The following PALS2 variants were observed in gnomAD, a reference collection of about 807,000 sequenced individuals.
PALS2 encodes protein PALS2.
PALS2 carries 27 observed loss-of-function variants against 61.6 expected under a neutral mutation model. The ratio of observed to expected loss-of-function variants is 0.44; its 90% confidence interval spans 0.32 to 0.60. PALS2 has a LOEUF of 0.60. PALS2 is among the 20% of genes least tolerant of loss of function. PALS2 has a pLI of 0.05. For missense variants in PALS2, 554 were observed against 639.4 expected (o/e 0.87, Z 1.44); for synonymous variants, 236 against 218.6 (o/e 1.08, Z -0.70).
At chr7:24,590,542 T>C (rs560831775) in intron 1 of PALS2, among the ~76,000 whole-genome samples, 5 of 152,208 alleles carry the variant, frequency 3.3e-5, no homozygotes, top group African/African-American at 1.2e-4. Flanking sequence ...TCAGGTGATA[T>C]TTTTTTCTGC....
At chr7:24,669,751 C>T (rs1390502501) in intron 9 of PALS2, among the ~76,000 whole-genome samples, 1 of 152,110 alleles carries the variant, frequency 6.6e-6, no homozygotes, top group South Asian at 2.1e-4. Context: ...TGTCATTGCC[C>T]CCCTGTGCTA....
At chr7:24,641,890 C>G in intron 3 of PALS2, 22 bp downstream of exon 3, 1 of 1,603,552 alleles carries the variant, frequency 6.2e-7, no homozygotes, top group Non-Finnish European at 8.5e-7. Flanking sequence ...TATCACTCAA[C>G]TCTCAAGTTC....
intron 1 of PALS2, among the ~76,000 whole-genome samples, chr7:24,587,640 G>A (rs1783123733): frequency 6.6e-6 from 1 of 151,668 alleles, no homozygotes; most frequent in Admixed American, 6.6e-5. Flanking sequence ...GCCTCCCATA[G>A]TGCTGGGATT....
At chr7:24,612,960 C>G (rs1196538383) in intron 1 of PALS2, among the ~76,000 whole-genome samples, 1 of 151,760 alleles carries the variant, frequency 6.6e-6, no homozygotes. Context: ...TAAAATGACT[C>G]TTATTTCCTT....
At chr7:24,582,720 CTT>C (rs898195130) in intron 1 of PALS2, among the ~76,000 whole-genome samples, 19 of 151,880 alleles carry the variant, frequency 1.3e-4, no homozygotes, top group African/African-American at 3.4e-4. Context: ...TTTTATTCCT[CTT>C]TTAATATCCT....
intron 1 of PALS2, among the ~76,000 whole-genome samples, chr7:24,608,433 T>C (rs1035018849): frequency 1.4e-4 from 22 of 152,152 alleles, no homozygotes; most frequent in African/African-American, 4.6e-4. Flanking sequence ...CTCACACTTA[T>C]TCTATTCTTG....
In PALS2 at chr7:24,633,350, GTT is replaced by G. The variant is rs35300093; in HGVS notation, c.118-8348_118-8347del. On this transcript the variant is annotated intron_variant, in intron 2 of 11. Transcript: ENST00000222644. ...GGATAGGTAATTCCAGGTTGGTGGAGTTTTTTTTTTTTTTTTTTTCTTTCAAC... is the reference window on the plus strand; with the variant it reads ...GGATAGGTAATTCCAGGTTGGTGGAGTTTTTTTTTTTTTTTTTCTTTCAAC... Among the ~76,000 whole-genome samples the G allele has an allele frequency of 3.0e-4, 32 of 106,234 alleles. 1 individual carries two copies. Among genetic ancestry groups the G allele is most frequent in the Middle Eastern group, 8.8e-3 (1 of 114 alleles). The allele number at this position is 106,234 out of a possible 152,430, so 69.7% of individuals were successfully genotyped here. A position where few individuals can be genotyped will look rare whatever the true frequency, so the allele number is the denominator to read the frequency against.
At chr7:24,585,641 A>G (rs1267428183) in intron 1 of PALS2, among the ~76,000 whole-genome samples, 1 of 152,010 alleles carries the variant, frequency 6.6e-6, no homozygotes, top group Non-Finnish European at 1.5e-5. Context: ...CCTTATTCTC[A>G]TCTCCATCCC....
chr7:24,679,417 G>A, intron 10 of PALS2, 84 bp downstream of exon 10: 1 of 1,436,182 alleles, frequency 7.0e-7, no homozygotes, highest in Non-Finnish European at 9.5e-7. Flanking sequence ...TTGGGTTGGG[G>A]TTGTTTGTTT....
intron 1 of PALS2, among the ~76,000 whole-genome samples, chr7:24,595,560 T>TATAAATATATATTAA (rs1783489292): frequency 8.9e-6 from 1 of 112,752 alleles, no homozygotes; most frequent in Admixed American, 9.1e-5. Flanking sequence ...ATATATTAAC[T>TATAAATATATATTAA]ATATATAAAT....
chr7:24,683,750 C>T (rs1377444543), intron 11 of PALS2, among the ~76,000 whole-genome samples: 2 of 152,066 alleles, frequency 1.3e-5, no homozygotes, highest in African/African-American at 4.8e-5. Flanking sequence ...TTTATGTGGA[C>T]AGTGCTAGCA....
At position 24,690,381 on chromosome 7, in the gene PALS2, A is replaced by G. The variant is rs1383820096; in HGVS notation, c.*2767A>G. The G allele has an allele frequency of 6.6e-6, 1 of 152,148 alleles. No individual in the cohort carries two copies. Among genetic ancestry groups the G allele is most frequent in the Non-Finnish European group, 1.5e-5 (1 of 68,028 alleles). The allele number at this position is 152,148 out of a possible 1,614,324, so 9.4% of individuals were successfully genotyped here. A position where few individuals can be genotyped will look rare whatever the true frequency, so the allele number is the denominator to read the frequency against. On this transcript the variant is annotated 3_prime_UTR_variant, in exon 12 of 12. Coordinates refer to ENST00000222644, the MANE Select transcript of PALS2 (RefSeq NM_001303037.2). ...GATAATTAGCTTTATGGAAGCGAAA[A>G]TGGTTTAGAGTGGTGTTGAGCAATT...
chr7:24,681,674 A>G (rs1175551860), intron 11 of PALS2, among the ~76,000 whole-genome samples: 1 of 152,056 alleles, frequency 6.6e-6, no homozygotes, highest in Non-Finnish European at 1.5e-5. Context: ...CCTAACATGT[A>G]CAGCTTGATC....
At chr7:24,577,548 A>G (rs1438230974) in intron 1 of PALS2, among the ~76,000 whole-genome samples, 3 of 151,978 alleles carry the variant, frequency 2.0e-5, no homozygotes, top group Non-Finnish European at 4.4e-5. Flanking sequence ...TTTTCCTCTT[A>G]AATCTATCAT....
intron 2 of PALS2, among the ~76,000 whole-genome samples, chr7:24,639,847 G>T (rs1785432116): frequency 7.8e-6 from 1 of 127,994 alleles, no homozygotes. Context: ...TTGAGACGGA[G>T]TCTCTGTCAC....
intron 2 of PALS2, among the ~76,000 whole-genome samples, chr7:24,638,168 G>T (rs1258877171): frequency 1.3e-5 from 2 of 151,762 alleles, no homozygotes; most frequent in African/African-American, 4.8e-5. Flanking sequence ...AGCTTAAAAA[G>T]CTATATGTTA....
chr7:24,623,231 A>G (rs1279086064), intron 1 of PALS2, among the ~76,000 whole-genome samples: 2 of 148,922 alleles, frequency 1.3e-5, no homozygotes, highest in African/African-American at 5.0e-5. Context: ...GAGTTTGTGA[A>G]GTATTGGTTT....
At chr7:24,624,618 T>G (rs1427533111) in intron 2 of PALS2, among the ~76,000 whole-genome samples, 6 of 145,948 alleles carry the variant, frequency 4.1e-5, no homozygotes, top group Admixed American at 1.4e-4. Flanking sequence ...TTTTTTTTTT[T>G]TTTTTTGAGA....
intron 7 of PALS2, 130 bp downstream of exon 7, chr7:24,665,817 G>C: frequency 1.0e-6 from 1 of 973,766 alleles, no homozygotes. Flanking sequence ...GCTTTCTCTC[G>C]CTCATAAGTA....
Sources: gnomAD v4.1 joint callset for allele counts (sites outside exome capture counted in the v4.1 genomes callset) on GRCh38, gnomAD v4.1.1 for gene constraint, MANE v1.5 for transcripts, NCBI Gene and HGNC (gene_info 2026-07-23, HGNC 2026-07-21) for gene names.